Variants in VPS8 observed in about 807,000 individuals in gnomAD.
The protein encoded by VPS8 is VPS8 subunit of CORVET complex.
Under a neutral mutation model 216.4 loss-of-function variants are expected in VPS8, and 129 were observed. The ratio of observed to expected loss-of-function variants is 0.60; its 90% CI spans 0.52 to 0.69. The LOEUF is 0.69. Among genes scored for constraint, VPS8 ranks in the 30% least tolerant of loss-of-function variants. VPS8 has a pLI of 0.00. For synonymous variants in VPS8, 571 were observed against 565.4 expected (o/e 1.01, Z -0.14); for missense variants, 1,531 against 1,683.5 (o/e 0.91, Z 1.59).
chr3:184,938,002 A>G (rs1741938784), intron 35 of VPS8, among the ~76,000 whole-genome samples: 1 of 152,206 alleles, frequency 6.6e-6, no homozygotes, highest in South Asian at 2.1e-4. Flanking sequence ...CATTAGATCC[A>G]TTTTACAGAA....
intron 6 of VPS8, 56 bp downstream of exon 6, chr3:184,838,802 G>T (rs778765598): frequency 7.4e-7 from 1 of 1,354,122 alleles, no homozygotes; most frequent in South Asian, 1.4e-5. Flanking sequence ...GGTTTTCTTA[G>T]ATTTATCATT....
Position 184,821,448 on chromosome 3 carries a change from A to G in VPS8, c.-88-3097A>G, listed in dbSNP as rs113390097. On this transcript the variant is annotated intron_variant, in intron 1 of 47. Coordinates refer to ENST00000625842, the MANE Select transcript of VPS8 (RefSeq NM_001009921.3). Reference sequence around the variant, plus strand: ...ATCCTCCGCCTCCCGGGTTCAAGCAATTCTCCTGCCTCAGCCTCCTGAGTA... The same window carrying G: ...ATCCTCCGCCTCCCGGGTTCAAGCAGTTCTCCTGCCTCAGCCTCCTGAGTA... Among the ~76,000 whole-genome samples the G allele has an allele frequency of 4.9e-3, 747 of 152,006 alleles. 12 individuals carry two copies. Among genetic ancestry groups the G allele is most frequent in the Admixed American group, 0.035 (540 of 15,268 alleles).
intron 45 of VPS8, among the ~76,000 whole-genome samples, chr3:185,008,029 T>A (rs2109972146): frequency 6.6e-6 from 1 of 152,070 alleles, no homozygotes; most frequent in African/African-American, 2.4e-5. Flanking sequence ...GTCATATCAA[T>A]ACTATATTAC....
chr3:184,901,078 C>A, intron 25 of VPS8, 106 bp downstream of exon 25: 2 of 912,110 alleles, frequency 2.2e-6, no homozygotes, highest in Non-Finnish European at 3.5e-6. Flanking sequence ...TGTTGGTAAT[C>A]ATGTACAGTC....
At chr3:185,002,614 C>A (rs188724461) in intron 45 of VPS8, among the ~76,000 whole-genome samples, 2 of 152,084 alleles carry the variant, frequency 1.3e-5, no homozygotes, top group Non-Finnish European at 2.9e-5. Flanking sequence ...GTCCTTCCCC[C>A]CTCCCTGAGT....
chr3:185,048,762 G>C (rs926772147), intron 47 of VPS8, among the ~76,000 whole-genome samples: 1 of 152,126 alleles, frequency 6.6e-6, no homozygotes, highest in Non-Finnish European at 1.5e-5. Context: ...GTAGAAAGCT[G>C]TCTGTCCCCT....
chr3:184,906,335 C>G (rs1735487646), intron 25 of VPS8, among the ~76,000 whole-genome samples: 1 of 151,864 alleles, frequency 6.6e-6, no homozygotes. Flanking sequence ...ATTTTATGAC[C>G]TCATGTAAGG....
intron 3 of VPS8, among the ~76,000 whole-genome samples, chr3:184,827,813 T>A (rs780540653): frequency 5.3e-5 from 8 of 152,170 alleles, no homozygotes; most frequent in Non-Finnish European, 1.5e-5. Flanking sequence ...GTGTTAGATG[T>A]TGGGGTTATA....
chr3:184,875,946 C>T (rs977919758), intron 21 of VPS8, among the ~76,000 whole-genome samples: 8 of 151,436 alleles, frequency 5.3e-5, no homozygotes, highest in East Asian at 3.9e-4. Context: ...GCCAAGATCA[C>T]GGCACTGCAC....
intron 46 of VPS8, among the ~76,000 whole-genome samples, chr3:185,033,269 C>T (rs1758427713): frequency 6.6e-6 from 1 of 152,226 alleles, no homozygotes; most frequent in Non-Finnish European, 1.5e-5. Context: ...CCCTCCAAAT[C>T]CCTGTGCTCC....
At chr3:184,851,962 T>A (rs1724356733) in intron 10 of VPS8, among the ~76,000 whole-genome samples, 1 of 152,236 alleles carries the variant, frequency 6.6e-6, no homozygotes, top group African/African-American at 2.4e-5. Context: ...CTGAAGTATA[T>A]GCTGTGGAAG....
Position 184,999,801 on chromosome 3 carries a change from A to G in VPS8, c.3942A>G (p.Lys1314=). Residue 1314 remains lysine, a synonymous_variant, in exon 45 of 48, where the codon AAA becomes AAG. Coordinates refer to ENST00000625842, the MANE Select transcript of VPS8 (RefSeq NM_001009921.3). ...GCTACAAATGCAGTTCAAGTAACAA[A>G]GTAGGAAAACTCAGTGAAAATTCAT... ...WTCYKCSSSN[K]VGKLSENSSE... The G allele has an allele frequency of 1.9e-6, 3 of 1,613,158 alleles. No individual in the cohort carries two copies. Among genetic ancestry groups the G allele is most frequent in the Non-Finnish European group, 2.5e-6 (3 of 1,179,542 alleles).
At chr3:184,906,853 G>A (rs537688560) in intron 25 of VPS8, among the ~76,000 whole-genome samples, 1 of 152,200 alleles carries the variant, frequency 6.6e-6, no homozygotes, top group Non-Finnish European at 1.5e-5. Context: ...TTTCAGGGAA[G>A]GGATGGAAGG....
intron 45 of VPS8, among the ~76,000 whole-genome samples, chr3:185,013,342 T>G (rs1755318208): frequency 6.6e-6 from 1 of 152,240 alleles, no homozygotes. Flanking sequence ...CTTTGCATGG[T>G]GAGCTACTTC....
intron 26 of VPS8, among the ~76,000 whole-genome samples, chr3:184,913,794 T>C (rs1282708228): frequency 6.6e-6 from 1 of 152,206 alleles, no homozygotes; most frequent in Non-Finnish European, 1.5e-5. Context: ...GGGATGCTAC[T>C]GGTATCTAGT....
At chr3:184,879,453 A>G (rs1251004972) in intron 21 of VPS8, among the ~76,000 whole-genome samples, 2 of 152,260 alleles carry the variant, frequency 1.3e-5, no homozygotes, top group South Asian at 2.1e-4. Flanking sequence ...TTCTTAAAGC[A>G]GGTATTGCTC....
rs1731775996 is a variant in VPS8, at chr3:184,888,739, G to T, written c.1781+2583G>T. On this transcript the variant is annotated intron_variant, in intron 22 of 47. Transcript: ENST00000625842. ...TCAAATTGAGATAATTTATAAATGA[G>T]ATGAAGTGAAGTGCCTGAAGGACTA... 2.6e-5 allele frequency among the ~76,000 whole-genome samples: 4 copies of T among 152,284 alleles called. No homozygotes were observed. In the South Asian group the frequency reaches 8.3e-4, roughly 32 times the overall value.
At position 185,019,536 on chromosome 3, in the gene VPS8, C is replaced by T. The variant is rs951900307; in HGVS notation, c.4003-4800C>T. On this transcript the variant is annotated intron_variant, in intron 45 of 47. Coordinates refer to ENST00000625842, the MANE Select transcript of VPS8 (RefSeq NM_001009921.3). ...TCTTACAGGAAATAAAGGGATGGGC[C>T]GAAATAAAGGGATGGGTCTGGCTAG... 7.6e-4 allele frequency among the ~76,000 whole-genome samples: 116 copies of T among 152,174 alleles called. 2 individuals carry two copies. Among genetic ancestry groups the T allele is most frequent in the African/African-American group, 2.6e-3 (106 of 41,516 alleles).
At chr3:184,823,799 G>T (rs1718130506) in intron 1 of VPS8, among the ~76,000 whole-genome samples, 1 of 152,134 alleles carries the variant, frequency 6.6e-6, no homozygotes, top group African/African-American at 2.4e-5. Flanking sequence ...AGTTTTGCAA[G>T]TAAACCAAAT....
Sources: gnomAD v4.1 joint callset for allele counts (sites outside exome capture counted in the v4.1 genomes callset) on GRCh38, gnomAD v4.1.1 for gene constraint, MANE v1.5 for transcripts, NCBI Gene and HGNC (gene_info 2026-07-23, HGNC 2026-07-21) for gene names.